Variants in TMEM253 observed in about 807,000 individuals in gnomAD.
TMEM253 encodes the protein transmembrane protein C14orf176.
In TMEM253, 22 loss-of-function variants were observed where a neutral mutation model predicts 20.3. The ratio of observed to expected loss-of-function variants is 1.08; its 90% CI spans 0.78 to 1.55. TMEM253 has a LOEUF of 1.55. TMEM253 is among the 40% of genes most tolerant of loss of function. The pLI, the probability that TMEM253 is intolerant of heterozygous loss-of-function variation, is 0.00. For synonymous variants in TMEM253, 92 were observed against 102.6 expected (o/e 0.90, Z 0.62); for missense variants, 251 against 266.1 (o/e 0.94, Z 0.39).
At chr14:21,103,087 G>A in intron 6 of TMEM253, 52 bp from the exon 7 acceptor site, 1 of 1,551,188 alleles carries the variant, frequency 6.4e-7, no homozygotes, top group Non-Finnish European at 8.7e-7. Context: ...TCTGTCTGGG[G>A]TTTCTCCTTT....
At chr14:21,103,498 A>G in exon 7 of TMEM253, 1 of 551,480 alleles carries the variant, frequency 1.8e-6, no homozygotes, top group Non-Finnish European at 3.1e-6. Flanking sequence ...ACCTCCCCAT[A>G]CAGCTTCACA....
chr14:21,102,789 C>T lies in TMEM253; in HGVS notation c.534+10C>T. The T allele has an allele frequency of 2.6e-6, 4 of 1,547,020 alleles. No homozygotes were observed. The highest frequency in any genetic ancestry group is 3.5e-6 in the Non-Finnish European group (4 of 1,146,638). Reference sequence around the variant, plus strand: ...TCAAGAGCTGCAGGAGGTATGGGGGCAGGGAAGAAAGCACGAATAGCTAGC... The same window carrying T: ...TCAAGAGCTGCAGGAGGTATGGGGGTAGGGAAGAAAGCACGAATAGCTAGC... On this transcript the variant is annotated intron_variant, in intron 6 of 6. Coordinates refer to ENST00000556585, the Ensembl canonical transcript of TMEM253.
intron 2 of TMEM253, 196 bp downstream of exon 2, chr14:21,101,647 T>C (rs574523579): frequency 5.2e-5 from 34 of 655,858 alleles, no homozygotes; most frequent in Non-Finnish European, 7.5e-5. Flanking sequence ...AGCTTCCATC[T>C]TGTGGGGGAA....
chr14:21,103,609 G>A (rs1889789901), exon 7 of TMEM253: 1 of 235,542 alleles, frequency 4.2e-6, no homozygotes, highest in South Asian at 5.2e-5. Context: ...CAATTCAGGA[G>A]TGCCCCAGTT....
At chr14:21,103,313 T>C in exon 7 of TMEM253, 2 of 1,525,028 alleles carry the variant, frequency 1.3e-6, no homozygotes, top group Non-Finnish European at 1.8e-6. Context: ...AGAAGCTTGC[T>C]GGGATCCTTC....
chr14:21,102,911 T>C, intron 6 of TMEM253, 132 bp downstream of exon 6: 3 of 1,404,824 alleles, frequency 2.1e-6, no homozygotes, highest in South Asian at 1.4e-5. Context: ...ATGAAACTGA[T>C]TGGCTTTCTC....
At chr14:21,098,867 G>A, upstream of TMEM253, 1 of 1,285,258 alleles carries the variant, frequency 7.8e-7, no homozygotes, top group Middle Eastern at 2.1e-4. Context: ...GACTCGGGAA[G>A]TTCTTCCTGG....
chr14:21,102,252 T>A, intron 4 of TMEM253, 132 bp downstream of exon 4: 1 of 1,409,982 alleles, frequency 7.1e-7, no homozygotes, highest in Admixed American at 2.3e-5. Flanking sequence ...CCTCAATCAC[T>A]GAGGAGGAAA....
At chr14:21,098,924 G>T, upstream of TMEM253, 1 of 1,186,134 alleles carries the variant, frequency 8.4e-7, no homozygotes, top group Non-Finnish European at 1.1e-6. Context: ...CTCTCTTTTG[G>T]GGGAGGAGGA....
rs1446186734 is a variant in TMEM253, at chr14:21,102,086, C to T, written c.242C>T (p.Thr81Ile). 1.9e-6 allele frequency: 3 copies of T among 1,551,370 alleles called. No homozygotes were observed. In the Admixed American group the frequency reaches 5.9e-5, roughly 30 times the overall value. ...CAGGGTCTCCTCACTGGGACTGTCA[C>T]TCTGGAGCTTCGCAGAGCACCCCGC... Residue 81 changes from threonine to isoleucine, a missense_variant, in exon 4 of 7, where the codon ACT becomes ATT. Physicochemically the swap from Thr to Ile is moderately conservative, Grantham distance 89 (BLOSUM62 -1). Transcript: ENST00000556585.
At chr14:21,100,388 A>G (rs1231892539), upstream of TMEM253, among the ~76,000 whole-genome samples, 1 of 151,802 alleles carries the variant, frequency 6.6e-6, no homozygotes, top group Non-Finnish European at 1.5e-5. Context: ...AATAATAATA[A>G]TAATGTATCC....
exon 7 of TMEM253, chr14:21,103,419 G>A: frequency 8.2e-7 from 1 of 1,214,938 alleles, no homozygotes; most frequent in Non-Finnish European, 1.1e-6. Flanking sequence ...ACCTGGACGA[G>A]AATATATCCT....
At position 21,102,704 on chromosome 14, in the gene TMEM253, C is replaced by T. The variant is rs542464934; in HGVS notation, c.459C>T (p.His153=). 3.4e-5 allele frequency: 52 copies of T among 1,551,576 alleles called. No homozygotes were observed. The African/African-American group carries it at 3.8e-4, about 11-fold the overall frequency. Residue 153 remains histidine (H), a synonymous_variant, in exon 6 of 7, where the codon CAC becomes CAT. Transcript: ENST00000556585. ...TAGGGGGAGTGCTGGTCTCAGTGCA[C>T]GCCCTATTCTTGCTGAGCCAGAGGA... is the stretch of plus-strand genomic sequence containing the variant.
exon 7 of TMEM253, chr14:21,103,675 C>T (rs774549374): frequency 6.3e-6 from 1 of 157,640 alleles, no homozygotes; most frequent in African/African-American, 2.4e-5. Context: ...CCCAGGATGC[C>T]CCGCTAGCCC....
intron 2 of TMEM253, 131 bp downstream of exon 2, chr14:21,101,582 G>T: frequency 1.2e-6 from 1 of 821,960 alleles, no homozygotes; most frequent in South Asian, 1.8e-5. Flanking sequence ...CTGAATGGGA[G>T]GAGGGTAGAG....
chr14:21,101,243 C>G, intron 1 of TMEM253, 59 bp downstream of exon 1: 1 of 1,098,394 alleles, frequency 9.1e-7, no homozygotes, highest in African/African-American at 1.6e-5. Flanking sequence ...AGAGGTGTAG[C>G]TGAAAGATAC....
intron 2 of TMEM253, 128 bp from the exon 3 acceptor site, chr14:21,101,737 G>A: frequency 1.3e-6 from 1 of 741,968 alleles, no homozygotes; most frequent in Non-Finnish European, 2.2e-6. Context: ...TCACGTCCTT[G>A]CTCTGGGTTG....
exon 2 of TMEM253, chr14:21,101,381 A>G: frequency 6.4e-7 from 1 of 1,551,700 alleles, no homozygotes; most frequent in Non-Finnish European, 8.7e-7. Context: ...CAGGAGAGAC[A>G]CAGCCTTCGT....
intron 2 of TMEM253, 97 bp downstream of exon 2, chr14:21,101,548 A>G (rs1889631592): frequency 4.3e-6 from 5 of 1,159,526 alleles, no homozygotes; most frequent in Admixed American, 2.3e-5. Context: ...AGCACCTACC[A>G]TGTGCCAGAA....
Sources: gnomAD v4.1 joint callset for allele counts (sites outside exome capture counted in the v4.1 genomes callset) on GRCh38, gnomAD v4.1.1 for gene constraint, MANE v1.5 for transcripts, NCBI Gene and HGNC (gene_info 2026-07-23, HGNC 2026-07-21) for gene names.